DNAJA3: variants seen among roughly 807,000 people sequenced by gnomAD.
DNAJA3 encodes the protein DnaJ heat shock protein family (Hsp40) member A3.
DNAJA3 carries 29 observed loss-of-function variants against 54.9 expected under a neutral mutation model. The observed-to-expected ratio is 0.53, with a 90% CI of 0.39 to 0.72. The LOEUF is 0.72. Among genes scored for constraint, DNAJA3 ranks in the 30% least tolerant of loss-of-function variants. DNAJA3 has a pLI of 0.00. For missense variants in DNAJA3, 708 were observed against 639.4 expected (o/e 1.11, Z -1.16); for synonymous variants, 302 against 251.4 (o/e 1.20, Z -1.90).
chr16:4,426,170 G>A lies in DNAJA3; in HGVS notation c.211+78G>A, dbSNP rs1293312384. ...GAGTCTCCTCGCTGTGACTACGGCTGCAGGGGTAGTGGGGTGGAGGGTGTC... is the reference window on the plus strand; with the variant it reads ...GAGTCTCCTCGCTGTGACTACGGCTACAGGGGTAGTGGGGTGGAGGGTGTC... On this transcript the variant is annotated intron_variant, in intron 1 of 11. Transcript: ENST00000262375. 15 of 1,395,480 alleles carry A rather than the reference G, an allele frequency of 1.1e-5. No homozygotes were observed. In the Admixed American group the frequency reaches 3.3e-4, roughly 31 times the overall value. The allele number at this position is 1,395,480 out of a possible 1,614,324, so 86.4% of individuals were successfully genotyped here.
At chr16:4,441,304 T>C (rs1240156728) in intron 3 of DNAJA3, 71 bp from the exon 4 acceptor site, 2 of 1,399,444 alleles carry the variant, frequency 1.4e-6, no homozygotes, top group Non-Finnish European at 2.0e-6. Context: ...CCTTATTTGC[T>C]GTGAACTCTT....
chr16:4,428,742 TAG>T (rs926495048), intron 1 of DNAJA3, among the ~76,000 whole-genome samples: 1 of 152,100 alleles, frequency 6.6e-6, no homozygotes, highest in Non-Finnish European at 1.5e-5. Flanking sequence ...TTTTCACAGA[TAG>T]AGTCATCAAC....
Position 4,442,705 on chromosome 16 carries a change from G to A in DNAJA3, c.783+285G>A, listed in dbSNP as rs1447094055. The A allele has an allele frequency of 7.7e-6, 4 of 517,670 alleles. No individual in the cohort carries two copies. In the African/African-American group the frequency reaches 7.8e-5, roughly 10 times the overall value. 32.1% of individuals were successfully genotyped at this position (517,670 alleles called of 1,614,324 possible). On this transcript the variant is annotated intron_variant, in intron 5 of 11. Coordinates refer to ENST00000262375, the MANE Select transcript of DNAJA3 (RefSeq NM_005147.6). The stretch of plus-strand genomic sequence containing the variant: ...TCTAACAATTGCTTTGGTAATTCAA[G>A]GGGAAATAATCTTTTTTAAATGTAC...
At chr16:4,448,916 G>A in intron 9 of DNAJA3, 68 bp downstream of exon 9, 1 of 1,208,898 alleles carries the variant, frequency 8.3e-7, no homozygotes, top group Non-Finnish European at 1.2e-6. Context: ...GGAGCTCTGT[G>A]GCTTGGGCAG....
intron 1 of DNAJA3, among the ~76,000 whole-genome samples, chr16:4,428,037 C>T (rs934130384): frequency 5.3e-5 from 8 of 151,816 alleles, no homozygotes; most frequent in Admixed American, 1.3e-4. Flanking sequence ...CTGCAAGCTC[C>T]GCCTCCCGGG....
rs772089538 is a variant in DNAJA3 at position 4,442,995 on chromosome 16, C to T, written c.784-22C>T. On this transcript the variant is annotated intron_variant, in intron 5 of 11. Coordinates refer to ENST00000262375, the MANE Select transcript of DNAJA3 (RefSeq NM_005147.6). ...TCAGTTTACCTGCGTACTTAGGTTA[C>T]CATTTTTCTTGTTTTTATCAGGAAA... is the stretch of plus-strand genomic sequence containing the variant. 13 of 1,610,406 alleles carry T rather than the reference C, an allele frequency of 8.1e-6. No homozygotes were observed. In the African/African-American group the frequency reaches 1.6e-4, roughly 20 times the overall value.
chr16:4,454,673 C>G, intron 10 of DNAJA3, 138 bp from the exon 11 acceptor site: 1 of 627,282 alleles, frequency 1.6e-6, no homozygotes, highest in Non-Finnish European at 2.8e-6. Flanking sequence ...AGGAGTGGCC[C>G]CCACTCTTCT....
chr16:4,446,742 C>T (rs2141388809), intron 7 of DNAJA3, 144 bp from the exon 8 acceptor site: 1 of 920,684 alleles, frequency 1.1e-6, no homozygotes, highest in East Asian at 2.6e-5. Flanking sequence ...GTTGGAAGGA[C>T]AGTTCTTTCC....
chr16:4,435,231 T>C (rs2056759734), intron 2 of DNAJA3, among the ~76,000 whole-genome samples: 1 of 152,034 alleles, frequency 6.6e-6, no homozygotes, highest in Non-Finnish European at 1.5e-5. Context: ...GAAATTCCCA[T>C]TGTATCCCAG....
In DNAJA3 at chr16:4,442,407, G is replaced by T. The variant is rs752828166; in HGVS notation, c.770G>T (p.Gly257Val). Residue 257 changes from glycine to valine, a missense_variant, in exon 5 of 12, where the codon GGC (glycine) becomes GTC (valine). Coordinates refer to ENST00000262375, the MANE Select transcript of DNAJA3 (RefSeq NM_005147.6). Reference protein sequence around the residue: ...GTKVQHCHYCGGSGMETINTG... With the variant: ...GTKVQHCHYCVGSGMETINTG... ...AAGGTGCAGCATTGCCACTACTGTG[G>T]CGGCTCCGGCATGGTAAGGCTCTGC... The T allele has an allele frequency of 2.5e-6, 4 of 1,601,196 alleles. No homozygotes were observed. The highest frequency in any genetic ancestry group is 1.3e-5 in the African/African-American group (1 of 74,602).
chr16:4,430,758 A>G (rs1298264087), intron 1 of DNAJA3: 2 of 151,822 alleles, frequency 1.3e-5, no homozygotes, highest in Non-Finnish European at 2.9e-5. Context: ...GTCAAAAGTC[A>G]TCAGACTGGG....
At position 4,425,895 on chromosome 16, in the gene DNAJA3, G is replaced by T. The variant is rs374995696; in HGVS notation, c.14G>T (p.Cys5Phe). Residue 5 changes from cysteine (C) to phenylalanine (F), a missense_variant, in exon 1 of 12, where the codon TGC (cysteine) becomes TTC (phenylalanine). By Grantham distance (205) the Cys-to-Phe change is radical (BLOSUM62 -2). Coordinates refer to ENST00000262375, the MANE Select transcript of DNAJA3 (RefSeq NM_005147.6). ...CCCCGGGCCAAGATGGCTGCGCGGT[G>T]CTCCACACGCTGGTTGCTGGTGGTT... MAAR[C>F]STRWLLVVVG... 270 of 1,540,278 alleles carry T rather than the reference G, an allele frequency of 1.8e-4. No homozygotes were observed. The highest frequency in any genetic ancestry group is 2.8e-4 in the Admixed American group (14 of 50,644).
chr16:4,430,410 A>G (rs2056682502), intron 1 of DNAJA3: 1 of 151,988 alleles, frequency 6.6e-6, no homozygotes, highest in African/African-American at 2.4e-5. Flanking sequence ...AAAAATAGAA[A>G]AAGTTGGTCA....
chr16:4,446,822 A>G, intron 7 of DNAJA3, 64 bp from the exon 8 acceptor site: 1 of 1,592,906 alleles, frequency 6.3e-7, no homozygotes, highest in South Asian at 1.1e-5. Context: ...CTGGCCAGGC[A>G]TGCAGCTGGT....
chr16:4,439,870 C>T (rs907864337), intron 3 of DNAJA3, among the ~76,000 whole-genome samples: 3 of 152,156 alleles, frequency 2.0e-5, no homozygotes, highest in African/African-American at 7.2e-5. Flanking sequence ...TAGTCCCCCT[C>T]CATTCTAGGT....
At chr16:4,450,538 CAG>C in intron 10 of DNAJA3, 41 bp downstream of exon 10, 1 of 1,475,774 alleles carries the variant, frequency 6.8e-7, no homozygotes, top group African/African-American at 1.4e-5. Flanking sequence ...GTGGGGGCCT[CAG>C]AGCCCCCCAG....
At chr16:4,426,318 C>T (rs994505609) in intron 1 of DNAJA3, among the ~76,000 whole-genome samples, 1 of 152,182 alleles carries the variant, frequency 6.6e-6, no homozygotes, top group African/African-American at 2.4e-5. Flanking sequence ...TGATGAAACG[C>T]CCCGTAGATC....
chr16:4,434,424 C>T lies in DNAJA3; in HGVS notation c.252C>T (p.His84=), dbSNP rs2056746518. 1 of 1,613,878 alleles carries T rather than the reference C, an allele frequency of 6.2e-7. No individual in the cohort carries two copies. The highest frequency in any genetic ancestry group is 8.5e-7 in the Non-Finnish European group (1 of 1,179,976). ...CTTTCATTTGTACTGCCTCCTTCCA[C>T]ACGAGTGCCCCTTTGGCCAAAGAAG... is the stretch of plus-strand genomic sequence containing the variant. The part of the protein sequence containing the change: ...HNPFICTASF[H]TSAPLAKEDY... Residue 84 remains histidine, a synonymous_variant, in exon 2 of 12, where the codon CAC becomes CAT. Transcript: ENST00000262375.
intron 9 of DNAJA3, chr16:4,449,762 TGCCTGACTCCCCTCGGGA>T (rs2056953734): frequency 6.6e-6 from 1 of 152,148 alleles, no homozygotes; most frequent in East Asian, 1.9e-4. Flanking sequence ...GGGCGGGACA[TGCCTGACTCCCCTCGGGA>T]GCACTCATGC....
Sources: allele counts gnomAD v4.1 joint callset (sites outside exome capture counted in the v4.1 genomes callset), GRCh38; gene constraint gnomAD v4.1.1; transcripts MANE v1.5; gene names NCBI Gene and HGNC (gene_info 2026-07-23, HGNC 2026-07-21).